Variants in PLEKHA8 observed in about 807,000 individuals in gnomAD.
The protein encoded by PLEKHA8 is pleckstrin homology domain containing A8.
Under a neutral mutation model 68.2 loss-of-function variants are expected in PLEKHA8, and 36 were observed. The observed-to-expected ratio is 0.53, with a 90% CI of 0.40 to 0.70. The LOEUF (loss-of-function observed/expected upper bound fraction) is 0.70. Ranked by LOEUF, PLEKHA8 falls within the 30% of genes least tolerant of loss-of-function variation. The pLI, the probability that PLEKHA8 is intolerant of heterozygous loss-of-function variation, is 0.00. For synonymous variants in PLEKHA8, 211 were observed against 216.1 expected (o/e 0.98, Z 0.20); for missense variants, 505 against 615.4 (o/e 0.82, Z 1.90).
rs1562870074 is a variant in PLEKHA8 at position 30,056,329 on chromosome 7, T to TATAA, written c.1039+992_1039+995dup. On this transcript the variant is annotated intron_variant, in intron 9 of 13. Transcript: ENST00000449726. ...CTCTCTCTCTATATATATATATATATATAAATAACATATATATAATATATA... is the reference window on the plus strand; with the variant it reads ...CTCTCTCTCTATATATATATATATATATAAATAAATAACATATATATAATATATA... Among the ~76,000 whole-genome samples the TATAA allele has an allele frequency of 4.4e-5, 6 of 134,930 alleles. No homozygotes were observed. In the Admixed American group the frequency reaches 4.7e-4, roughly 11 times the overall value. 88.5% of individuals were successfully genotyped at this position (134,930 alleles called of 152,430 possible). A position where few individuals can be genotyped will look rare whatever the true frequency, so the allele number is the denominator to read the frequency against.
chr7:30,118,436 A>G (rs556602911), intron 13 of PLEKHA8: 1 of 157,800 alleles, frequency 6.3e-6, no homozygotes, highest in African/African-American at 2.4e-5. Flanking sequence ...GTAGGTGGAC[A>G]GCTCATGGAA....
chr7:30,104,298 G>C (rs1006769368), intron 13 of PLEKHA8, among the ~76,000 whole-genome samples: 1 of 152,190 alleles, frequency 6.6e-6, no homozygotes, highest in Admixed American at 6.5e-5. Context: ...TAAACTCCAT[G>C]ACCCAGCAAT....
downstream of PLEKHA8, among the ~76,000 whole-genome samples, chr7:30,092,866 A>G (rs1795471609): frequency 6.6e-6 from 1 of 152,180 alleles, no homozygotes; most frequent in South Asian, 2.1e-4. Context: ...GGATAGAGAT[A>G]CGACATTTAG....
chr7:30,116,254 G>T (rs948071841), intron 13 of PLEKHA8, among the ~76,000 whole-genome samples: 1 of 146,986 alleles, frequency 6.8e-6, no homozygotes, highest in South Asian at 2.1e-4. Context: ...ACATGTACAC[G>T]TATACATGCA....
chr7:30,082,704 C>G lies in PLEKHA8; in HGVS notation c.*3917C>G. 1 of 985,084 alleles carries G rather than the reference C, an allele frequency of 1.0e-6. No homozygotes were observed. Among genetic ancestry groups the G allele is most frequent in the Non-Finnish European group, 1.2e-6 (1 of 829,726 alleles). 61.0% of individuals were successfully genotyped at this position (985,084 alleles called of 1,614,324 possible). On this transcript the variant is annotated 3_prime_UTR_variant, in exon 14 of 14. Coordinates refer to ENST00000449726, the MANE Select transcript of PLEKHA8 (RefSeq NM_001197026.2). ...GACCAAATAAGTAAAGTACATTTTTCTCCACTAAATTTGAAGTGAGGGAAA... is the reference window on the plus strand; with the variant it reads ...GACCAAATAAGTAAAGTACATTTTTGTCCACTAAATTTGAAGTGAGGGAAA...
At chr7:30,077,540 A>G (rs1428131768) in intron 13 of PLEKHA8, among the ~76,000 whole-genome samples, 1 of 152,198 alleles carries the variant, frequency 6.6e-6, no homozygotes, top group Admixed American at 6.5e-5. Flanking sequence ...TCTTCTATAA[A>G]TAAGGAAACT....
At chr7:30,098,228 C>A (rs1167701767) in intron 13 of PLEKHA8, among the ~76,000 whole-genome samples, 1 of 152,246 alleles carries the variant, frequency 6.6e-6, no homozygotes, top group Non-Finnish European at 1.5e-5. Context: ...AGGTGTCAGT[C>A]TGCCCCTACT....
At chr7:30,104,966 T>A (rs1796005705) in intron 13 of PLEKHA8, among the ~76,000 whole-genome samples, 1 of 151,886 alleles carries the variant, frequency 6.6e-6, no homozygotes, top group African/African-American at 2.4e-5. Flanking sequence ...CAGGTGATGA[T>A]CCTCCTGTCT....
At chr7:30,063,580 C>T (rs552988580) in intron 12 of PLEKHA8, among the ~76,000 whole-genome samples, 58 of 152,220 alleles carry the variant, frequency 3.8e-4, no homozygotes, top group Non-Finnish European at 7.5e-4. Flanking sequence ...TTCAGTGTCA[C>T]AGTTGGGTTC....
At chr7:30,074,380 G>C (rs1022322697) in intron 13 of PLEKHA8, among the ~76,000 whole-genome samples, 2 of 152,094 alleles carry the variant, frequency 1.3e-5, no homozygotes, top group Non-Finnish European at 2.9e-5. Context: ...GCAGTAAAAA[G>C]TGTCTGGAAT....
intron 13 of PLEKHA8, chr7:30,129,220 AGTTGGC>A (rs1796832756): frequency 3.1e-6 from 5 of 1,612,680 alleles, no homozygotes; most frequent in Non-Finnish European, 4.2e-6. Context: ...GAGTAATGAC[AGTTGGC>A]CTGTGTTCCT....
At chr7:30,056,278 TTCTCTCTCTC>T (rs761685260) in intron 9 of PLEKHA8, among the ~76,000 whole-genome samples, 236 of 56,362 alleles carry the variant, frequency 4.2e-3, no homozygotes, top group African/African-American at 8.7e-3. Flanking sequence ...TAAAGATATA[TTCTCTCTCTC>T]TCTCTCTCTC....
At chr7:30,099,150 C>G (rs564056999) in intron 13 of PLEKHA8, among the ~76,000 whole-genome samples, 1 of 152,136 alleles carries the variant, frequency 6.6e-6, no homozygotes, top group Admixed American at 6.5e-5. Context: ...ATCACACATC[C>G]AAACAGAGAA....
chr7:30,104,564 A>G (rs1583472739), intron 13 of PLEKHA8, among the ~76,000 whole-genome samples: 1 of 152,326 alleles, frequency 6.6e-6, no homozygotes, highest in East Asian at 1.9e-4. Flanking sequence ...ATGATGAGCA[A>G]AAGAAGCCAG....
chr7:30,105,198 T>C (rs145832983), intron 13 of PLEKHA8, among the ~76,000 whole-genome samples: 144 of 151,508 alleles, frequency 9.5e-4, no homozygotes, highest in African/African-American at 3.5e-3. Flanking sequence ...GGGCCGAGTG[T>C]GGTGGCTCAC....
chr7:30,091,610 CTG>C (rs1482920157), downstream of PLEKHA8, among the ~76,000 whole-genome samples: 1 of 152,006 alleles, frequency 6.6e-6, no homozygotes, highest in Non-Finnish European at 1.5e-5. Flanking sequence ...AAGGGAAAGA[CTG>C]AATGCCAGTA....
At chr7:30,029,232 G>A (rs1790462688) in intron 1 of PLEKHA8, among the ~76,000 whole-genome samples, 1 of 152,280 alleles carries the variant, frequency 6.6e-6, no homozygotes, top group South Asian at 2.1e-4. Context: ...ATTCCACAGC[G>A]GAAAGATCCT....
In PLEKHA8 at chr7:30,129,091, A is replaced by G. The variant is rs147945690; in HGVS notation, c.1363-175A>G. 2.0e-4 allele frequency among the ~76,000 whole-genome samples: 31 copies of G among 152,374 alleles called. 2 individuals are homozygous for G. The East Asian group carries it at 5.6e-3, about 27-fold the overall frequency. On this transcript the variant is annotated intron_variant, in intron 13 of 13. Coordinates refer to the PLEKHA8 transcript ENST00000396257. The stretch of plus-strand genomic sequence containing the variant: ...AAATATTCAAACTATAGCACCCTGC[A>G]ATAGTCATTCTCCTTTTCTTCCTTA...
chr7:30,090,971 G>A (rs1308737757), downstream of PLEKHA8, among the ~76,000 whole-genome samples: 1 of 152,074 alleles, frequency 6.6e-6, no homozygotes, highest in African/African-American at 2.4e-5. Flanking sequence ...GACCAGCTTG[G>A]GCAACAGAGC....
Sources: allele counts gnomAD v4.1 joint callset (sites outside exome capture counted in the v4.1 genomes callset), GRCh38; gene constraint gnomAD v4.1.1; transcripts MANE v1.5; gene names NCBI Gene and HGNC (gene_info 2026-07-23, HGNC 2026-07-21).